KIAA1549: variants seen among roughly 807,000 people sequenced by gnomAD.
KIAA1549 encodes KIAA1549, also known as UPF0606 protein KIAA1549.
Under a neutral mutation model 156.4 loss-of-function variants are expected in KIAA1549, and 70 were observed. The observed-to-expected ratio is 0.45, with a 90% CI of 0.37 to 0.55. KIAA1549 has a LOEUF of 0.55. KIAA1549 is among the 20% of genes least tolerant of loss of function. The pLI is 0.00. For synonymous variants in KIAA1549, 1,103 were observed against 1,066.4 expected, an observed-to-expected ratio of 1.03 and a Z score of -0.67; for missense variants, 2,428 against 2,540.9, an observed-to-expected ratio of 0.96 and a Z score of 0.96.
chr7:138,907,513 G>A (rs746766798), intron 5 of KIAA1549, among the ~76,000 whole-genome samples: 6 of 152,178 alleles, frequency 3.9e-5, no homozygotes, highest in African/African-American at 9.7e-5. Flanking sequence ...CACAAGCATG[G>A]GCTGCAGCAG....
chr7:138,911,131 G>A lies in KIAA1549; in HGVS notation c.3145+15C>T. On this transcript the variant is annotated intron_variant, in intron 4 of 19. Transcript: ENST00000422774. The stretch of plus-strand genomic sequence containing the variant: ...TCTTTTTACAAATAAAAACAACTAT[G>A]CTGAGCTGTCTCACCTGTTTGAACT... The A allele has an allele frequency of 6.7e-7, 1 of 1,500,912 alleles. No homozygotes were observed. Among genetic ancestry groups the A allele is most frequent in the Non-Finnish European group, 8.9e-7 (1 of 1,120,630 alleles). The allele number at this position is 1,500,912 out of a possible 1,614,324, so 93.0% of individuals were successfully genotyped here. A position where few individuals can be genotyped will look rare whatever the true frequency, so the allele number is the denominator to read the frequency against.
At chr7:138,870,635 C>A (rs1810900649) in intron 13 of KIAA1549, among the ~76,000 whole-genome samples, 1 of 152,142 alleles carries the variant, frequency 6.6e-6, no homozygotes, top group Non-Finnish European at 1.5e-5. Flanking sequence ...GTCGGCCGCA[C>A]TAACACTTTT....
intron 1 of KIAA1549, among the ~76,000 whole-genome samples, chr7:138,961,388 G>T (rs757716299): frequency 2.6e-5 from 4 of 152,208 alleles, no homozygotes; most frequent in African/African-American, 4.8e-5. Flanking sequence ...GCAGAAAATA[G>T]ATCTATTAGG....
chr7:138,928,913 C>T (rs140945443), intron 1 of KIAA1549, among the ~76,000 whole-genome samples: 2,304 of 152,140 alleles, frequency 0.015, 62 homozygotes, highest in African/African-American at 0.053. Context: ...ATAAAAAATA[C>T]ATTAAAAAAA....
chr7:138,872,709 A>G (rs1170471001), intron 12 of KIAA1549, among the ~76,000 whole-genome samples: 2 of 152,232 alleles, frequency 1.3e-5, no homozygotes, highest in Non-Finnish European at 2.9e-5. Context: ...GTTTGAGACC[A>G]GCCTGGGCAA....
intron 17 of KIAA1549, among the ~76,000 whole-genome samples, chr7:138,850,847 T>C (rs1810213974): frequency 6.6e-6 from 1 of 152,204 alleles, no homozygotes; most frequent in South Asian, 2.1e-4. Context: ...TTATCTTTTA[T>C]TTTTGGTTTC....
Position 138,912,452 on chromosome 7 carries a change from T to C in KIAA1549, c.2887A>G (p.Arg963Gly), listed in dbSNP as rs1812197341. The stretch of plus-strand genomic sequence containing the variant: ...ATGATGTACTCCTGCACAGCTCTTC[T>C]GGCCAGCACTGCAAATGAAAGCAAA... ...DAYLITTVLA[R>G]RAVQEYIITA... The change falls in exon 3 of 20, where the codon AGA becomes GGA. Residue 963 changes from arginine to glycine, a missense_variant. This residue lies in a region of KIAA1549 where 762 missense variants were observed against 901.6 expected (regional missense o/e 0.85). Coordinates refer to ENST00000422774, the MANE Select transcript of KIAA1549 (RefSeq NM_001164665.2). 2.5e-6 allele frequency: 4 copies of C among 1,613,440 alleles called. No homozygotes were observed. In the South Asian group the frequency reaches 3.3e-5, roughly 13 times the overall value.
At chr7:138,887,293 C>T (rs1811420702) in intron 10 of KIAA1549, among the ~76,000 whole-genome samples, 1 of 152,100 alleles carries the variant, frequency 6.6e-6, no homozygotes, top group South Asian at 2.1e-4. Context: ...TATTTATTTA[C>T]ATAAAATAAA....
chr7:138,857,804 C>A (rs1414110529), intron 16 of KIAA1549, among the ~76,000 whole-genome samples: 1 of 152,188 alleles, frequency 6.6e-6, no homozygotes, highest in African/African-American at 2.4e-5. Context: ...GCCATTCCAG[C>A]TTTCTATGAT....
At chr7:138,858,213 CA>C (rs1810450556) in intron 16 of KIAA1549, among the ~76,000 whole-genome samples, 1 of 151,990 alleles carries the variant, frequency 6.6e-6, no homozygotes, top group Non-Finnish European at 1.5e-5. Context: ...CTCAGCCTCC[CA>C]GGGTCAAGTG....
chr7:138,981,140 G>A lies in KIAA1549; in HGVS notation c.130C>T (p.Leu44=), dbSNP rs188225028. Residue 44 remains leucine (L), a synonymous_variant, in exon 1 of 20, where the codon CTG becomes TTG. Transcript: ENST00000422774. The surrounding 1 kb of genome is among the most constrained non-coding windows in gnomAD (Gnocchi z 4.5). ...ARCARRRRPG[L]LLPGLWLLLL... Reference sequence around the variant, plus strand: ...AGCAGCCAGAGGCCAGGAAGCAGCAGCCCCGGGCGGCGGCGGCGGGCGCAG... The same window carrying A: ...AGCAGCCAGAGGCCAGGAAGCAGCAACCCCGGGCGGCGGCGGCGGGCGCAG... 650 of 1,212,314 alleles carry A rather than the reference G, an allele frequency of 5.4e-4. 4 individuals carry two copies. The African/African-American group carries it at 9.1e-3, about 17-fold the overall frequency. 75.1% of individuals were successfully genotyped at this position (1,212,314 alleles called of 1,614,324 possible).
At position 138,840,036 on chromosome 7, in the gene KIAA1549, C is replaced by T. The variant is rs113521132; in HGVS notation, c.5598+97G>A. 31 of 1,086,772 alleles carry T rather than the reference C, an allele frequency of 2.9e-5. 1 individual carries two copies. Among genetic ancestry groups the T allele is most frequent in the African/African-American group, 2.4e-4 (15 of 62,928 alleles). The allele number at this position is 1,086,772 out of a possible 1,614,324, so 67.3% of individuals were successfully genotyped here. On this transcript the variant is annotated intron_variant, in intron 19 of 19. Transcript: ENST00000422774. Reference sequence around the variant, plus strand: ...CAAACTCCTGACTTCGTGATCCGCCCGCCTCGGCCTCCCAAAGTGCTGGGA... The same window carrying T: ...CAAACTCCTGACTTCGTGATCCGCCTGCCTCGGCCTCCCAAAGTGCTGGGA...
intron 18 of KIAA1549, 72 bp from the exon 19 acceptor site, chr7:138,840,350 G>T: frequency 7.3e-7 from 1 of 1,370,990 alleles, no homozygotes; most frequent in Non-Finnish European, 1.0e-6. Context: ...TGGCTGCCGA[G>T]GAAGACACTG....
chr7:138,897,648 C>T (rs765258244), intron 9 of KIAA1549, among the ~76,000 whole-genome samples: 1 of 151,906 alleles, frequency 6.6e-6, no homozygotes, highest in Admixed American at 6.6e-5. Flanking sequence ...GATTCCAACA[C>T]CTTGGGAGGT....
intron 18 of KIAA1549, among the ~76,000 whole-genome samples, chr7:138,842,639 G>A (rs541918343): frequency 2.0e-5 from 3 of 150,924 alleles, no homozygotes; most frequent in South Asian, 2.1e-4. Context: ...GTTGCAGTGC[G>A]CCGAGACTGT....
chr7:138,879,440 CT>C (rs1811178371), intron 12 of KIAA1549, 97 bp downstream of exon 12: 1 of 694,200 alleles, frequency 1.4e-6, no homozygotes, highest in South Asian at 2.0e-5. Flanking sequence ...TCCCAGATTT[CT>C]TTTTTAAGGG....
chr7:138,880,019 G>C (rs1322229673), intron 11 of KIAA1549, among the ~76,000 whole-genome samples: 2 of 152,176 alleles, frequency 1.3e-5, no homozygotes, highest in Non-Finnish European at 2.9e-5. Flanking sequence ...CAGGACCTGG[G>C]GTTCACGATT....
chr7:138,963,448 A>C (rs1023472347), intron 1 of KIAA1549, among the ~76,000 whole-genome samples: 2 of 152,224 alleles, frequency 1.3e-5, no homozygotes, highest in African/African-American at 4.8e-5. Context: ...CACAATTGGA[A>C]GAGGGAGTAG....
At chr7:138,898,114 C>T (rs950965658) in intron 9 of KIAA1549, among the ~76,000 whole-genome samples, 1 of 151,240 alleles carries the variant, frequency 6.6e-6, no homozygotes, top group Non-Finnish European at 1.5e-5. Flanking sequence ...CGAGACCATC[C>T]GGGCCAACAT....
Sources: gnomAD v4.1 joint callset for allele counts (sites outside exome capture counted in the v4.1 genomes callset) on GRCh38, gnomAD v4.1.1 for gene constraint, gnomAD v4.1.1 regional missense constraint, Gnocchi (gnomAD v3.1) non-coding constraint, MANE v1.5 for transcripts, NCBI Gene and HGNC (gene_info 2026-07-23, HGNC 2026-07-21) for gene names.